Variants in TBC1D19 observed in about 807,000 individuals in gnomAD.
The protein encoded by TBC1D19 is TBC1 domain family member 19, also known as TBC1 domain family, member 19.
In TBC1D19, 60 loss-of-function variants were observed where a neutral mutation model predicts 89.0. The ratio of observed to expected loss-of-function variants is 0.67; its 90% CI spans 0.55 to 0.84. The LOEUF is 0.84. Ranked by LOEUF, TBC1D19 falls within the 40% of genes least tolerant of loss-of-function variation. TBC1D19 has a pLI of 0.00. For missense variants in TBC1D19, 500 were observed against 610.8 expected, an observed-to-expected ratio of 0.82 and a Z score of 1.91; for synonymous variants, 189 against 199.7, an observed-to-expected ratio of 0.95 and a Z score of 0.45.
the TBC1D19 span, among the ~76,000 whole-genome samples, chr4:26,788,664 A>C: frequency 6.6e-6 from 1 of 152,202 alleles, no homozygotes; most frequent in Non-Finnish European, 1.5e-5. Flanking sequence ...CATTCTGAAC[A>C]TAGCCCCCTA....
chr4:26,638,057 G>T (rs1171804344), intron 5 of TBC1D19, among the ~76,000 whole-genome samples: 1 of 152,120 alleles, frequency 6.6e-6, no homozygotes, highest in Non-Finnish European at 1.5e-5. Context: ...TGTAGAACTG[G>T]AATTCTATTT....
the TBC1D19 span, among the ~76,000 whole-genome samples, chr4:26,842,468 G>C: frequency 6.7e-6 from 1 of 149,560 alleles, no homozygotes; most frequent in East Asian, 2.0e-4. Context: ...CCACAGGGTA[G>C]CTGGGACTAT....
At chr4:26,844,323 C>T in the TBC1D19 span, among the ~76,000 whole-genome samples, 2 of 152,180 alleles carry the variant, frequency 1.3e-5, no homozygotes, top group African/African-American at 4.8e-5. Flanking sequence ...TTTAGGAAAA[C>T]CCAACCTCCA....
chr4:26,840,082 C>T, the TBC1D19 span, among the ~76,000 whole-genome samples: 3 of 151,832 alleles, frequency 2.0e-5, no homozygotes, highest in South Asian at 4.2e-4. Flanking sequence ...CTCTCTTCCT[C>T]TCTTTCTTTC....
At chr4:26,773,164 G>GCT in the TBC1D19 span, among the ~76,000 whole-genome samples, 2 of 152,148 alleles carry the variant, frequency 1.3e-5, no homozygotes, top group African/African-American at 4.8e-5. Context: ...ATTCTGACTG[G>GCT]CATGAGATAG....
At chr4:26,595,671 C>T (rs183027753) in intron 1 of TBC1D19, among the ~76,000 whole-genome samples, 2 of 152,096 alleles carry the variant, frequency 1.3e-5, no homozygotes, top group South Asian at 2.1e-4. Flanking sequence ...CTTCCTCCCC[C>T]CTCCTTTGCA....
chr4:26,760,781 C>G (rs1266160896), downstream of TBC1D19, among the ~76,000 whole-genome samples: 1 of 152,084 alleles, frequency 6.6e-6, no homozygotes, highest in Admixed American at 6.6e-5. Context: ...TGCTTCCTCT[C>G]CAAGAAATCT....
chr4:26,611,908 G>A (rs906013988), intron 1 of TBC1D19, among the ~76,000 whole-genome samples: 6 of 151,808 alleles, frequency 4.0e-5, no homozygotes, highest in African/African-American at 7.3e-5. Flanking sequence ...GAATTTATAG[G>A]TACTAGATTG....
chr4:26,812,800 A>G, the TBC1D19 span, among the ~76,000 whole-genome samples: 6 of 145,606 alleles, frequency 4.1e-5, no homozygotes, highest in African/African-American at 1.6e-4. This position sits in a 1 kb window ranked among gnomAD's most constrained non-coding sequence, Gnocchi z 4.2. Context: ...ATATATAAAT[A>G]TACATATATG....
chr4:26,592,732 T>G (rs1055226523), intron 1 of TBC1D19, among the ~76,000 whole-genome samples: 1 of 151,188 alleles, frequency 6.6e-6, no homozygotes, highest in African/African-American at 2.4e-5. Flanking sequence ...TGAACTCCCA[T>G]TCACAATTGC....
the TBC1D19 span, among the ~76,000 whole-genome samples, chr4:26,843,822 G>T: frequency 6.6e-6 from 1 of 152,154 alleles, no homozygotes; most frequent in East Asian, 1.9e-4. Flanking sequence ...AGGCCTTGGA[G>T]AGCTTTTACC....
the TBC1D19 span, among the ~76,000 whole-genome samples, chr4:26,838,160 C>T: frequency 1.3e-5 from 2 of 152,154 alleles, no homozygotes; most frequent in Admixed American, 6.5e-5. Flanking sequence ...AAGTCCTTCC[C>T]TCCTCATACC....
At position 26,728,380 on chromosome 4, in the gene TBC1D19, TTC is replaced by T. The variant is rs538528798; in HGVS notation, c.1085-7069_1085-7068del. Among the ~76,000 whole-genome samples the T allele has an allele frequency of 7.9e-5, 12 of 152,370 alleles. No individual in the cohort carries two copies. The South Asian group carries it at 2.3e-3, about 29-fold the overall frequency. On this transcript the variant is annotated intron_variant, in intron 15 of 20. Transcript: ENST00000264866. The stretch of plus-strand genomic sequence containing the variant: ...ATGCCTACTATTTATTAACTTATTT[TTC>T]TCTCTGAGTTTTTCTTTCACATGTC...
chr4:26,767,563 A>G, the TBC1D19 span, among the ~76,000 whole-genome samples: 1 of 152,156 alleles, frequency 6.6e-6, no homozygotes, highest in Admixed American at 6.6e-5. Flanking sequence ...CTCTTCTCAC[A>G]CACAAAGAGG....
At chr4:26,834,077 A>G in the TBC1D19 span, among the ~76,000 whole-genome samples, 86,554 of 151,872 alleles carry the variant, frequency 0.57, 25,632 homozygotes, top group African/African-American at 0.73. Context: ...TTATAAGTGT[A>G]TGGCCCCTCT....
the TBC1D19 span, among the ~76,000 whole-genome samples, chr4:26,825,530 G>C: frequency 2.0e-5 from 3 of 152,166 alleles, no homozygotes; most frequent in Admixed American, 2.0e-4. Context: ...CCAGGCCATA[G>C]TGAATGTAGT....
chr4:26,649,918 C>T (rs149162216), intron 7 of TBC1D19, among the ~76,000 whole-genome samples: 71,518 of 151,522 alleles, frequency 0.47, 18,012 homozygotes, highest in Admixed American at 0.61. Flanking sequence ...TGTGTCCATG[C>T]ATTCTCATTG....
chr4:26,582,403 T>C (rs1739105788), upstream of TBC1D19, among the ~76,000 whole-genome samples: 1 of 152,204 alleles, frequency 6.6e-6, no homozygotes, highest in Non-Finnish European at 1.5e-5. Flanking sequence ...TGCCTTTTCT[T>C]CTGCTCTACA....
At chr4:26,707,287 A>G (rs1268149125) in intron 13 of TBC1D19, among the ~76,000 whole-genome samples, 2 of 151,908 alleles carry the variant, frequency 1.3e-5, no homozygotes, top group African/African-American at 4.8e-5. Flanking sequence ...TTAATATATA[A>G]TGTCTTTCTG....
Sources: gnomAD v4.1 joint callset for allele counts (sites outside exome capture counted in the v4.1 genomes callset) on GRCh38, gnomAD v4.1.1 for gene constraint, Gnocchi (gnomAD v3.1) non-coding constraint, MANE v1.5 for transcripts, NCBI Gene and HGNC (gene_info 2026-07-23, HGNC 2026-07-21) for gene names.